The following CNTNAP2 variants were observed in gnomAD, a reference collection of about 807,000 sequenced individuals.
The protein encoded by CNTNAP2 is contactin-associated protein-like 2.
In CNTNAP2, 98 loss-of-function variants were observed where a neutral mutation model predicts 155.2. The ratio of observed to expected loss-of-function variants is 0.63; its 90% CI spans 0.54 to 0.75. The LOEUF (loss-of-function observed/expected upper bound fraction) is 0.75, where lower values mean the gene tolerates loss of function less well. CNTNAP2 is among the 30% of genes least tolerant of loss of function. The pLI is 0.00. For missense variants in CNTNAP2, 1,727 were observed against 1,688.1 expected (o/e 1.02, Z -0.40); for synonymous variants, 651 against 631.2 (o/e 1.03, Z -0.47).
At chr7:148,073,564 C>G (rs1253025854) in intron 15 of CNTNAP2, among the ~76,000 whole-genome samples, 1 of 152,160 alleles carries the variant, frequency 6.6e-6, no homozygotes, top group Non-Finnish European at 1.5e-5. Flanking sequence ...AGAGGTATTG[C>G]AGTGCTTCCA....
At chr7:146,943,094 T>A (rs1797088685) in intron 3 of CNTNAP2, among the ~76,000 whole-genome samples, 1 of 152,150 alleles carries the variant, frequency 6.6e-6, no homozygotes. Flanking sequence ...CATATATAAT[T>A]TTTGACTCCT....
At chr7:146,166,268 T>G (rs1462144461) in intron 1 of CNTNAP2, among the ~76,000 whole-genome samples, 1 of 152,074 alleles carries the variant, frequency 6.6e-6, no homozygotes, top group Non-Finnish European at 1.5e-5. Context: ...TACTTTTGTA[T>G]TTTTAGTAGA....
At chr7:146,310,373 A>C (rs142078713) in intron 1 of CNTNAP2, among the ~76,000 whole-genome samples, 2 of 152,250 alleles carry the variant, frequency 1.3e-5, no homozygotes, top group African/African-American at 2.4e-5. Context: ...GTTTTTTATG[A>C]ACTGAATTAT....
chr7:147,975,129 TA>T (rs1801406658), intron 14 of CNTNAP2, among the ~76,000 whole-genome samples: 1 of 150,736 alleles, frequency 6.6e-6, no homozygotes, highest in Non-Finnish European at 1.5e-5. Flanking sequence ...TTATGTATAA[TA>T]TTTTTTGTAT....
At chr7:147,921,945 C>G (rs1800288879) in intron 14 of CNTNAP2, among the ~76,000 whole-genome samples, 1 of 152,092 alleles carries the variant, frequency 6.6e-6, no homozygotes, top group African/African-American at 2.4e-5. Context: ...GATTTTAGAG[C>G]ACACATTTTG....
At chr7:146,580,528 T>C (rs533535501) in intron 1 of CNTNAP2, among the ~76,000 whole-genome samples, 1 of 151,550 alleles carries the variant, frequency 6.6e-6, no homozygotes, top group South Asian at 2.1e-4. Context: ...GATCTAAATA[T>C]ATGGAAGCAA....
intron 3 of CNTNAP2, among the ~76,000 whole-genome samples, chr7:146,879,142 A>G (rs1795487397): frequency 6.6e-6 from 1 of 152,116 alleles, no homozygotes; most frequent in Non-Finnish European, 1.5e-5. Flanking sequence ...CTGTGCTGCC[A>G]TTTCATTGCC....
At chr7:147,581,412 AC>A (rs1200461667) in intron 12 of CNTNAP2, among the ~76,000 whole-genome samples, 4 of 152,246 alleles carry the variant, frequency 2.6e-5, no homozygotes, top group African/African-American at 9.6e-5. Flanking sequence ...TTATGGATAT[AC>A]ATGGAACCAT....
intron 1 of CNTNAP2, among the ~76,000 whole-genome samples, chr7:146,269,235 G>T (rs1800042231): frequency 6.6e-6 from 1 of 152,168 alleles, no homozygotes; most frequent in South Asian, 2.1e-4. Context: ...AGGCACTTGG[G>T]AGGCTGAGGC....
intron 22 of CNTNAP2, among the ~76,000 whole-genome samples, chr7:148,390,761 T>C (rs1182715217): frequency 6.6e-6 from 1 of 152,228 alleles, no homozygotes; most frequent in Non-Finnish European, 1.5e-5. Flanking sequence ...AATAAGATTC[T>C]TTTTCTCATC....
intron 4 of CNTNAP2, among the ~76,000 whole-genome samples, chr7:147,094,281 G>T (rs865860967): frequency 6.6e-6 from 1 of 151,898 alleles, no homozygotes; most frequent in Non-Finnish European, 1.5e-5. Context: ...GGCCACTTAG[G>T]TATACCTTAA....
intron 1 of CNTNAP2, among the ~76,000 whole-genome samples, chr7:146,219,713 T>C (rs1562994499): frequency 6.6e-6 from 1 of 152,212 alleles, no homozygotes; most frequent in African/African-American, 2.4e-5. Flanking sequence ...TTTTTTACAC[T>C]TGAATTACTT....
At chr7:146,578,693 A>G (rs1798562986) in intron 1 of CNTNAP2, among the ~76,000 whole-genome samples, 1 of 152,136 alleles carries the variant, frequency 6.6e-6, no homozygotes, top group African/African-American at 2.4e-5. Context: ...GAGAAAATTA[A>G]AGATTCAAAG....
chr7:147,447,631 G>A (rs2116562049), intron 10 of CNTNAP2, among the ~76,000 whole-genome samples: 1 of 152,208 alleles, frequency 6.6e-6, no homozygotes. Context: ...TGTTGGCCAG[G>A]CTGGCCTCAA....
At chr7:146,368,759 A>G (rs887507817) in intron 1 of CNTNAP2, among the ~76,000 whole-genome samples, 1 of 151,816 alleles carries the variant, frequency 6.6e-6, no homozygotes, top group Non-Finnish European at 1.5e-5. Context: ...GCATTTACCT[A>G]GAACAAGAAT....
intron 13 of CNTNAP2, among the ~76,000 whole-genome samples, chr7:147,716,491 C>T (rs572211879): frequency 1.3e-5 from 2 of 152,196 alleles, no homozygotes; most frequent in African/African-American, 4.8e-5. Flanking sequence ...AGCTCCCACC[C>T]TAAGCTTTTA....
intron 2 of CNTNAP2, among the ~76,000 whole-genome samples, chr7:146,835,486 G>A (rs1420843799): frequency 1.3e-5 from 2 of 152,092 alleles, no homozygotes; most frequent in African/African-American, 4.8e-5. Flanking sequence ...TGAGTATATT[G>A]TTGTCCCCAA....
At chr7:146,642,102 AC>A (rs1257803897) in intron 1 of CNTNAP2, among the ~76,000 whole-genome samples, 1 of 151,860 alleles carries the variant, frequency 6.6e-6, no homozygotes, top group Non-Finnish European at 1.5e-5. Flanking sequence ...TATTTAAAAG[AC>A]AAATTTTGTT....
chr7:148,171,011 G>A (rs1805782874), intron 17 of CNTNAP2, among the ~76,000 whole-genome samples: 1 of 152,144 alleles, frequency 6.6e-6, no homozygotes, highest in Non-Finnish European at 1.5e-5. Context: ...ACAGAACAGG[G>A]CTTAAGACAA....
Sources: allele counts gnomAD v4.1 joint callset (sites outside exome capture counted in the v4.1 genomes callset), GRCh38; gene constraint gnomAD v4.1.1; transcripts MANE v1.5; gene names NCBI Gene and HGNC (gene_info 2026-07-23, HGNC 2026-07-21).